The following TENM2 variants were observed in gnomAD, a reference collection of about 807,000 sequenced individuals.
The protein encoded by TENM2 is teneurin transmembrane protein 2.
TENM2 carries 52 observed loss-of-function variants against 245.2 expected under a neutral mutation model. The observed-to-expected ratio is 0.21, with a 90% CI of 0.17 to 0.27. The LOEUF (loss-of-function observed/expected upper bound fraction) is 0.27, where lower values mean the gene tolerates loss of function less well. Among genes scored for constraint, TENM2 ranks in the 10% least tolerant of loss-of-function variants. The probability of loss-of-function intolerance (pLI) is 1.00; values close to 1 mark genes in which losing one functional copy is unlikely to be tolerated. For missense variants in TENM2, 3,046 were observed against 3,666.8 expected (o/e 0.83, Z 4.37); for synonymous variants, 1,363 against 1,438.9 (o/e 0.95, Z 1.19).
At chr5:167,916,427 A>T (rs1395625991) in intron 3 of TENM2, among the ~76,000 whole-genome samples, 2 of 152,102 alleles carry the variant, frequency 1.3e-5, no homozygotes, top group African/African-American at 4.8e-5. Context: ...AGCAATCTTC[A>T]TCTCCCCCAC....
chr5:168,008,082 T>C (rs1036341894), intron 5 of TENM2, among the ~76,000 whole-genome samples: 5 of 152,182 alleles, frequency 3.3e-5, no homozygotes, highest in African/African-American at 1.2e-4. Flanking sequence ...AATTCAGCAA[T>C]TGAGCTATTG....
intron 12 of TENM2, among the ~76,000 whole-genome samples, chr5:168,155,317 T>G (rs1009734290): frequency 6.6e-6 from 1 of 151,438 alleles, no homozygotes; most frequent in African/African-American, 2.4e-5. Flanking sequence ...TGTGTGCTCT[T>G]TAATTCCAAC....
At chr5:166,993,641 A>T in the TENM2 span, among the ~76,000 whole-genome samples, 1 of 152,206 alleles carries the variant, frequency 6.6e-6, no homozygotes, top group Non-Finnish European at 1.5e-5. Context: ...TAATCATTTT[A>T]TTAATCTCTA....
intron 2 of TENM2, among the ~76,000 whole-genome samples, chr5:167,502,212 A>G (rs1000211365): frequency 2.0e-5 from 3 of 152,180 alleles, no homozygotes; most frequent in Non-Finnish European, 2.9e-5. Context: ...TAAGGATTCA[A>G]CTCACTTATT....
chr5:167,408,464 G>T (rs1002644376), intron 2 of TENM2, among the ~76,000 whole-genome samples: 1 of 152,030 alleles, frequency 6.6e-6, no homozygotes, highest in Non-Finnish European at 1.5e-5. Context: ...TTTCTGAGGT[G>T]CCAGAGCTTC....
At chr5:167,023,234 G>T in the TENM2 span, among the ~76,000 whole-genome samples, 1 of 152,186 alleles carries the variant, frequency 6.6e-6, no homozygotes, top group African/African-American at 2.4e-5. Context: ...AACTTCATTA[G>T]CAATTTCCAT....
chr5:167,754,343 G>A (rs893906697), intron 2 of TENM2, among the ~76,000 whole-genome samples: 2 of 152,154 alleles, frequency 1.3e-5, no homozygotes, highest in Non-Finnish European at 2.9e-5. Flanking sequence ...GACCAGGAAG[G>A]AGAACTGACC....
chr5:168,094,101 C>T (rs1793167427), intron 8 of TENM2, among the ~76,000 whole-genome samples: 2 of 146,756 alleles, frequency 1.4e-5, no homozygotes, highest in East Asian at 2.0e-4. Flanking sequence ...TTGAGAATAC[C>T]TCGATGAACA....
chr5:167,698,686 T>TTG lies in TENM2; in HGVS notation c.503-177299_503-177298insGT, dbSNP rs1056056015. 2.2e-4 allele frequency among the ~76,000 whole-genome samples: 25 copies of TTG among 114,890 alleles called. No homozygotes were observed. The South Asian group carries it at 2.3e-3, about 10-fold the overall frequency. The allele number at this position is 114,890 out of a possible 152,430, so 75.4% of individuals were successfully genotyped here. ...TGTTTTGTTTTGTTTTTTGTTTTTT[T>TTG]TTTTTTTTTTTTTTTGAGACATAAT... On this transcript the variant is annotated intron_variant, in intron 2 of 28. Coordinates refer to ENST00000518659, the Ensembl canonical transcript of TENM2.
chr5:167,290,651 G>A (rs17497467), intron 1 of TENM2, among the ~76,000 whole-genome samples: 6,254 of 151,860 alleles, frequency 0.041, 177 homozygotes, highest in Non-Finnish European at 0.063. Context: ...TCCCAAAGAT[G>A]AACATAACTC....
rs187830008 is a variant in TENM2, at chr5:167,620,830, G to A, written c.502+245357G>A. On this transcript the variant is annotated intron_variant, in intron 2 of 28. Transcript: ENST00000518659. ...TTATTTTTTGGTCTTCCCCATCCCC[G>A]ATTTTCCCAAACCCCTAAATAACAA... 2.1e-3 allele frequency among the ~76,000 whole-genome samples: 319 copies of A among 151,814 alleles called. 4 individuals carry two copies. Among genetic ancestry groups the A allele is most frequent in the Non-Finnish European group, 5.6e-4 (38 of 67,900 alleles).
chr5:167,064,835 T>G, the TENM2 span, among the ~76,000 whole-genome samples: 2 of 152,256 alleles, frequency 1.3e-5, no homozygotes, highest in East Asian at 3.8e-4. Context: ...TACGGGATTC[T>G]TATTTTAATT....
chr5:167,890,822 T>C (rs1774690464), intron 3 of TENM2, among the ~76,000 whole-genome samples: 1 of 152,208 alleles, frequency 6.6e-6, no homozygotes. Context: ...CCACTGCTAA[T>C]GTCATTAACA....
intron 2 of TENM2, among the ~76,000 whole-genome samples, chr5:167,609,743 T>C (rs1287553457): frequency 2.6e-5 from 4 of 152,074 alleles, no homozygotes; most frequent in Admixed American, 6.6e-5. Context: ...TTTGGCTCTT[T>C]GATGAGATAG....
intron 2 of TENM2, among the ~76,000 whole-genome samples, chr5:167,423,495 G>A (rs1763631529): frequency 6.6e-6 from 1 of 152,196 alleles, no homozygotes; most frequent in African/African-American, 2.4e-5. Flanking sequence ...CTGTTAATAA[G>A]CTGTCAATTA....
At chr5:167,199,865 G>A in the TENM2 span, among the ~76,000 whole-genome samples, 1 of 151,866 alleles carries the variant, frequency 6.6e-6, no homozygotes, top group Non-Finnish European at 1.5e-5. Flanking sequence ...TTTTTTCTTA[G>A]GCAGCCCTAA....
chr5:167,444,235 A>G (rs1349923104), intron 2 of TENM2, among the ~76,000 whole-genome samples: 2 of 151,932 alleles, frequency 1.3e-5, no homozygotes, highest in East Asian at 1.9e-4. Flanking sequence ...TACACTTCCA[A>G]TATCCAGTAG....
chr5:167,309,309 A>G (rs1755877655), intron 1 of TENM2, among the ~76,000 whole-genome samples: 1 of 152,202 alleles, frequency 6.6e-6, no homozygotes, highest in Admixed American at 6.5e-5. Context: ...CTACTTTACT[A>G]TGATGCAAAA....
chr5:167,178,704 G>C, the TENM2 span, among the ~76,000 whole-genome samples: 1 of 152,060 alleles, frequency 6.6e-6, no homozygotes, highest in Non-Finnish European at 1.5e-5. Flanking sequence ...AGCGTGTTTT[G>C]TAGGAATGGC....
Sources: allele counts gnomAD v4.1 joint callset (sites outside exome capture counted in the v4.1 genomes callset), GRCh38; gene constraint gnomAD v4.1.1; transcripts MANE v1.5; gene names NCBI Gene and HGNC (gene_info 2026-07-23, HGNC 2026-07-21).